The following PLXNB1 variants were observed in gnomAD, a reference collection of about 807,000 sequenced individuals.
PLXNB1 encodes the protein plexin-B1.
PLXNB1 carries 106 observed loss-of-function variants against 209.4 expected under a neutral mutation model. The observed-to-expected ratio is 0.51, with a 90% CI of 0.43 to 0.59. PLXNB1 has a LOEUF of 0.59. PLXNB1 is among the 20% of genes least tolerant of loss of function. The pLI, the probability that PLXNB1 is intolerant of heterozygous loss-of-function variation, is 0.00. For missense variants in PLXNB1, 2,357 were observed against 2,853.2 expected (o/e 0.83, Z 3.96); for synonymous variants, 1,167 against 1,183.2 (o/e 0.99, Z 0.28).
chr3:48,418,707 C>A lies in PLXNB1; in HGVS notation c.2956-165G>T, dbSNP rs180954078. ...CAGAGCCAGAAATGGAGTATGGGGA[C>A]CCCATGGGGTCTCAAGTTAGAGTTC... On this transcript the variant is annotated intron_variant, in intron 13 of 37. Transcript: ENST00000296440. This position sits in a 1 kb window ranked among gnomAD's most constrained non-coding sequence, Gnocchi z 6.6. Among the ~76,000 whole-genome samples, 3 of 152,172 alleles carry A rather than the reference C, an allele frequency of 2.0e-5. No homozygotes were observed. The East Asian group carries it at 5.8e-4, about 29-fold the overall frequency.
intron 1 of PLXNB1, among the ~76,000 whole-genome samples, chr3:48,427,284 G>T (rs897497559): frequency 1.5e-4 from 23 of 152,108 alleles, no homozygotes; most frequent in African/African-American, 5.6e-4. Flanking sequence ...GTCGGCCGCT[G>T]ACCCACTCCA....
At chr3:48,412,344 G>A (rs774764861) in intron 26 of PLXNB1, 40 bp from the exon 27 acceptor site, 3 of 1,612,094 alleles carry the variant, frequency 1.9e-6, no homozygotes, top group East Asian at 2.2e-5. Flanking sequence ...GTCAGCAGGT[G>A]GGGCTGCGGG....
chr3:48,422,353 A>G lies in PLXNB1; in HGVS notation c.1397T>C (p.Leu466Pro). 1 of 1,609,952 alleles carries G rather than the reference A, an allele frequency of 6.2e-7. No individual in the cohort carries two copies. The highest frequency in any genetic ancestry group is 8.5e-7 in the Non-Finnish European group (1 of 1,177,876). The change falls in exon 5 of 38, where the codon CTG becomes CCG. Residue 466 changes from leucine to proline, a missense_variant. Transcript: ENST00000296440. ...CACTGTGCTCTGGGTCATGACATAC[A>G]GGTGCTCAAAGGTCCCATCAAAGGT... ...DLTFDGTFEH[L>P]YVMTQSTLLK...
chr3:48,421,984 G>A, intron 6 of PLXNB1, 121 bp downstream of exon 6: 2 of 1,267,550 alleles, frequency 1.6e-6, no homozygotes, highest in South Asian at 2.7e-5. Flanking sequence ...GTGAGGAATT[G>A]GGGTGTCTGG....
At position 48,411,254 on chromosome 3, in the gene PLXNB1, C is replaced by T. The variant is rs2037663919; in HGVS notation, c.5248-218G>A. Among the ~76,000 whole-genome samples, 1 of 152,220 alleles carries T rather than the reference C, an allele frequency of 6.6e-6. No homozygotes were observed. Among genetic ancestry groups the T allele is most frequent in the Non-Finnish European group, 1.5e-5 (1 of 68,038 alleles). On this transcript the variant is annotated intron_variant, in intron 28 of 37. Transcript: ENST00000296440. This position sits in a 1 kb window ranked among gnomAD's most constrained non-coding sequence, Gnocchi z 4.0. ...CCTAGCGCAGTGCACTTGTAAACCA[C>T]TATGGGGTAAATGGCAGAAAAAAAT...
In PLXNB1 at chr3:48,424,624, G is replaced by A; in HGVS notation, c.-6-7C>T. On this transcript the variant is annotated splice_region_variant and splice_polypyrimidine_tract_variant and intron_variant, in intron 2 of 37. Transcript: ENST00000296440. ...CCAGAGCAGGCATGGTCACCTGGCA[G>A]GAAGAGAGGTCGAGAGAGTGGGGCT... The A allele has an allele frequency of 6.5e-7, 1 of 1,535,106 alleles. No individual in the cohort carries two copies. Among genetic ancestry groups the A allele is most frequent in the Non-Finnish European group, 8.7e-7 (1 of 1,145,878 alleles).
chr3:48,421,618 C>A, intron 7 of PLXNB1, 56 bp downstream of exon 7: 1 of 1,513,896 alleles, frequency 6.6e-7, no homozygotes, highest in Non-Finnish European at 9.0e-7. Context: ...GATCTCTACC[C>A]AGACCTTGAT....
chr3:48,412,277 G>T lies in PLXNB1; in HGVS notation c.5061C>A (p.Leu1687=), dbSNP rs3214042. The T allele has an allele frequency of 5.1e-5, 82 of 1,613,992 alleles. No individual in the cohort carries two copies. The highest frequency in any genetic ancestry group is 6.5e-5 in the Non-Finnish European group (77 of 1,180,028). ...ACAGACAGATGGACATCCAGTTGGT[G>T]AGCAGCTTCTCCACCACAGTCTCTG... The part of the protein sequence containing the change: ...RRTETVVEKL[L]TNWMSICLYT... The change falls in exon 27 of 38, where the codon CTC becomes CTA. Residue 1687 remains leucine, a synonymous_variant. Transcript: ENST00000296440.
Position 48,410,955 on chromosome 3 carries a change from T to C in PLXNB1, c.5329A>G (p.Ile1777Val), listed in dbSNP as rs2037642582. Reference protein sequence around the residue: ...VPVKVLDCDTISQAKEKMLDQ... With the variant: ...VPVKVLDCDTVSQAKEKMLDQ... ...AGCATCTTCTCCTTTGCCTGGGAGA[T>C]GGTGTCACAGTCTAGGACCTTCACG... is the stretch of plus-strand genomic sequence containing the variant. The change falls in exon 29 of 38, where the codon ATC becomes GTC. Residue 1777 changes from isoleucine to valine, a missense_variant. Ile to Val is a conservative substitution (Grantham distance 29). This residue lies in a region of PLXNB1 where 414 missense variants were observed against 520.5 expected (regional missense o/e 0.80). Transcript: ENST00000296440. This position sits in a 1 kb window ranked among gnomAD's most constrained non-coding sequence, Gnocchi z 6.4. The C allele has an allele frequency of 1.2e-6, 2 of 1,613,882 alleles. No homozygotes were observed. The highest frequency in any genetic ancestry group is 1.3e-5 in the African/African-American group (1 of 75,036).
At position 48,423,480 on chromosome 3, in the gene PLXNB1, A is replaced by G. The variant is rs1456947527; in HGVS notation, c.1107+25T>C. ...TGGCCAGTGGCCTCAGAGAGGCGGA[A>G]AAGTGGGGCAATACTGGAACTCACC... On this transcript the variant is annotated intron_variant, in intron 3 of 37. Coordinates refer to ENST00000296440, the MANE Select transcript of PLXNB1 (RefSeq NM_001130082.3). 3.1e-6 allele frequency: 5 copies of G among 1,599,282 alleles called. No homozygotes were observed. The South Asian group carries it at 5.6e-5, about 18-fold the overall frequency.
At position 48,413,514 on chromosome 3, in the gene PLXNB1, G is replaced by A. The variant is rs1560053680; in HGVS notation, c.4535+156C>T. 4 of 751,342 alleles carry A rather than the reference G, an allele frequency of 5.3e-6. No homozygotes were observed. The East Asian group carries it at 8.2e-5, about 15-fold the overall frequency. The allele number at this position is 751,342 out of a possible 1,614,324, so 46.5% of individuals were successfully genotyped here. A position where few individuals can be genotyped will look rare whatever the true frequency, so the allele number is the denominator to read the frequency against. ...CTTTGTGCCACAGTGGCAAAGCTGA[G>A]TTGTTGAACAGAGACCACTTGGCCT... On this transcript the variant is annotated intron_variant, in intron 23 of 37. Coordinates refer to ENST00000296440, the MANE Select transcript of PLXNB1 (RefSeq NM_001130082.3). This position sits in a 1 kb window ranked among gnomAD's most constrained non-coding sequence, Gnocchi z 5.4.
At chr3:48,426,682 C>T (rs2038913414) in intron 1 of PLXNB1, among the ~76,000 whole-genome samples, 1 of 152,204 alleles carries the variant, frequency 6.6e-6, no homozygotes, top group Non-Finnish European at 1.5e-5. Flanking sequence ...CTGGGCACTG[C>T]TCCCGAAATA....
At position 48,409,896 on chromosome 3, in the gene PLXNB1, C is replaced by G; in HGVS notation, c.5778+9G>C. The G allele has an allele frequency of 6.2e-7, 1 of 1,608,492 alleles. No individual in the cohort carries two copies. Among genetic ancestry groups the G allele is most frequent in the Non-Finnish European group, 8.5e-7 (1 of 1,177,508 alleles). On this transcript the variant is annotated intron_variant, in intron 32 of 37. Transcript: ENST00000296440. The surrounding 1 kb of genome is among the most constrained non-coding windows in gnomAD (Gnocchi z 5.8). ...CCCAGGCCCCACTACCTTGGCAGCC[C>G]CACCCCACCTTCATGGACAGCAGGC... is the stretch of plus-strand genomic sequence containing the variant.
chr3:48,413,953 T>C lies in PLXNB1; in HGVS notation c.4328A>G (p.Gln1443Arg). The change falls in exon 22 of 38, where the codon CAG becomes CGG. Residue 1443 changes from glutamine (Q) to arginine (R), a missense_variant. Coordinates refer to ENST00000296440, the MANE Select transcript of PLXNB1 (RefSeq NM_001130082.3). This position sits in a 1 kb window ranked among gnomAD's most constrained non-coding sequence, Gnocchi z 5.4. Reference sequence around the variant, plus strand: ...GAGGGCATGGTGCCGTGGCAGGGGCTGCTCCACGGGGGGCTCGCAGTACAG... The same window carrying C: ...GAGGGCATGGTGCCGTGGCAGGGGCCGCTCCACGGGGGGCTCGCAGTACAG... ...HHLYCEPPVE[Q>R]PLPRHHALRE... 6.2e-7 allele frequency: 1 copy of C among 1,613,420 alleles called. No individual in the cohort carries two copies. The highest frequency in any genetic ancestry group is 8.5e-7 in the Non-Finnish European group (1 of 1,179,818).
At chr3:48,422,547 A>G in intron 4 of PLXNB1, 88 bp from the exon 5 acceptor site, 1 of 1,436,242 alleles carries the variant, frequency 7.0e-7, no homozygotes, top group East Asian at 2.5e-5. Context: ...GAAGTAATTT[A>G]CAAATAGAAT....
Position 48,405,898 on chromosome 3 carries a change from C to G in PLXNB1, c.6229-100G>C. 2 of 901,458 alleles carry G rather than the reference C, an allele frequency of 2.2e-6. No individual in the cohort carries two copies. The highest frequency in any genetic ancestry group is 3.6e-6 in the Non-Finnish European group (2 of 559,592). 55.8% of individuals were successfully genotyped at this position (901,458 alleles called of 1,614,324 possible). On this transcript the variant is annotated intron_variant, in intron 36 of 37. Coordinates refer to ENST00000296440, the MANE Select transcript of PLXNB1 (RefSeq NM_001130082.3). This position sits in a 1 kb window ranked among gnomAD's most constrained non-coding sequence, Gnocchi z 5.0. Reference sequence around the variant, plus strand: ...GGGAAGGGCTGGGGGAGAAGGGGACCTGAGAGGTAGAGAATGGGATGGGCA... The same window carrying G: ...GGGAAGGGCTGGGGGAGAAGGGGACGTGAGAGGTAGAGAATGGGATGGGCA...
chr3:48,425,805 AACAC>A (rs1166591503), intron 1 of PLXNB1, among the ~76,000 whole-genome samples: 19 of 145,462 alleles, frequency 1.3e-4, no homozygotes, highest in South Asian at 2.3e-4. Context: ...ATATGCCTAC[AACAC>A]ACACACACAC....
In PLXNB1 at chr3:48,415,800, G is replaced by C; in HGVS notation, c.3618-41C>G. 6.6e-7 allele frequency: 1 copy of C among 1,515,898 alleles called. No homozygotes were observed. Among genetic ancestry groups the C allele is most frequent in the Non-Finnish European group, 8.9e-7 (1 of 1,123,550 alleles). 93.9% of individuals were successfully genotyped at this position (1,515,898 alleles called of 1,614,324 possible). On this transcript the variant is annotated intron_variant, in intron 18 of 37. Coordinates refer to ENST00000296440, the MANE Select transcript of PLXNB1 (RefSeq NM_001130082.3). The surrounding 1 kb of genome is among the most constrained non-coding windows in gnomAD (Gnocchi z 5.0). ...GGAATGAATGCAGGGGCGCAGGCAG[G>C]GAAAACTTGGACCACTCAGGCCCCA...
chr3:48,420,815 A>G (rs768906067), intron 9 of PLXNB1, 33 bp downstream of exon 9: 2 of 1,610,078 alleles, frequency 1.2e-6, no homozygotes, highest in Non-Finnish European at 1.7e-6. Flanking sequence ...GCCACAGGGA[A>G]GCCCAGGCCT....
Sources: gnomAD v4.1 joint callset for allele counts (sites outside exome capture counted in the v4.1 genomes callset) on GRCh38, gnomAD v4.1.1 for gene constraint, gnomAD v4.1.1 regional missense constraint, Gnocchi (gnomAD v3.1) non-coding constraint, MANE v1.5 for transcripts, NCBI Gene and HGNC (gene_info 2026-07-23, HGNC 2026-07-21) for gene names.